Variants in NADK2 observed in about 807,000 individuals in gnomAD.
The protein encoded by NADK2 is NAD kinase 2, mitochondrial, also known as NAD kinase domain-containing protein 1, mitochondrial.
Under a neutral mutation model 62.1 loss-of-function variants are expected in NADK2, and 35 were observed. The ratio of observed to expected loss-of-function variants is 0.56; its 90% CI spans 0.43 to 0.75. The LOEUF (loss-of-function observed/expected upper bound fraction) is 0.75, where lower values mean the gene tolerates loss of function less well. Ranked by LOEUF, NADK2 falls within the 30% of genes least tolerant of loss-of-function variation. The pLI is 0.00. For missense variants in NADK2, 439 were observed against 561.3 expected, an observed-to-expected ratio of 0.78 and a Z score of 2.20; for synonymous variants, 205 against 207.9, an observed-to-expected ratio of 0.99 and a Z score of 0.12.
chr5:36,207,949 G>T (rs772250748), intron 7 of NADK2, among the ~76,000 whole-genome samples: 7 of 152,126 alleles, frequency 4.6e-5, no homozygotes, highest in Middle Eastern at 3.4e-3. Flanking sequence ...TTAACTCCAT[G>T]AACACATAAA....
intron 4 of NADK2, among the ~76,000 whole-genome samples, 181 bp downstream of exon 4, chr5:36,225,361 G>A (rs1333628612): frequency 1.3e-5 from 2 of 152,074 alleles, no homozygotes; most frequent in African/African-American, 4.8e-5. Flanking sequence ...TAAAATGTCT[G>A]TAGCAACAGA....
intron 9 of NADK2, 136 bp from the exon 10 acceptor site, chr5:36,200,416 G>T: frequency 2.6e-6 from 1 of 383,642 alleles, no homozygotes; most frequent in Non-Finnish European, 4.3e-6. Flanking sequence ...TAACATAATA[G>T]CTAATATAAA....
At chr5:36,214,002 T>C (rs1381125818) in intron 6 of NADK2, among the ~76,000 whole-genome samples, 1 of 152,174 alleles carries the variant, frequency 6.6e-6, no homozygotes, top group African/African-American at 2.4e-5. Context: ...GCTTGTTCAA[T>C]TTCAATTCAA....
intron 4 of NADK2, chr5:36,221,628 G>A (rs1054596496): frequency 1.3e-5 from 2 of 152,136 alleles, no homozygotes; most frequent in Non-Finnish European, 2.9e-5. Flanking sequence ...CTGCCTGGAG[G>A]CAAGAAGAGA....
intron 7 of NADK2, among the ~76,000 whole-genome samples, chr5:36,207,744 C>G (rs1746694455): frequency 6.6e-6 from 1 of 151,962 alleles, no homozygotes; most frequent in Non-Finnish European, 1.5e-5. Flanking sequence ...TGCTAATGTA[C>G]CTTTTGAATT....
At position 36,217,822 on chromosome 5, in the gene NADK2, A is replaced by T. The variant is rs1747105079; in HGVS notation, c.707T>A (p.Val236Glu). Residue 236 changes from valine (V) to glutamate (E), a missense_variant, in exon 6 of 12, where the codon GTG (valine) becomes GAG (glutamate). Transcript: ENST00000381937. ...GCTTAGCTGCTGCTCGTGAAGGTCCACAGGTACAGGGTTTATGCCAGTCCC... is the reference window on the plus strand; with the variant it reads ...GCTTAGCTGCTGCTCGTGAAGGTCCTCAGGTACAGGGTTTATGCCAGTCCC... ...LEGTGINPVPVDLHEQQLSLN... is the reference protein window; with the variant it reads ...LEGTGINPVPEDLHEQQLSLN... The T allele has an allele frequency of 6.2e-7, 1 of 1,614,016 alleles. No individual in the cohort carries two copies. Among genetic ancestry groups the T allele is most frequent in the Non-Finnish European group, 8.5e-7 (1 of 1,179,926 alleles).
intron 1 of NADK2, among the ~76,000 whole-genome samples, chr5:36,229,715 T>C (rs1747634354): frequency 6.6e-6 from 1 of 151,506 alleles, no homozygotes; most frequent in African/African-American, 2.4e-5. Flanking sequence ...AATACATTTA[T>C]TCAACTGCTT....
chr5:36,196,350 T>G (rs997544390), intron 11 of NADK2, among the ~76,000 whole-genome samples: 3 of 152,196 alleles, frequency 2.0e-5, no homozygotes, highest in African/African-American at 7.2e-5. Context: ...TAGCGTATTA[T>G]GTAGTTTTAA....
At position 36,241,393 on chromosome 5, in the gene NADK2, C is replaced by T. The variant is rs1187271253; in HGVS notation, c.300+106G>A. 1.1e-5 allele frequency: 15 copies of T among 1,364,902 alleles called. No homozygotes were observed. The Admixed American group carries it at 2.4e-4, about 22-fold the overall frequency. The allele number at this position is 1,364,902 out of a possible 1,614,324, so 84.5% of individuals were successfully genotyped here. The stretch of plus-strand genomic sequence containing the variant: ...GCGAGAGAGGCAGGACCGGCATCTG[C>T]GGTGCCCTGGGAAGAGTCGTCCCGA... On this transcript the variant is annotated intron_variant, in intron 1 of 11. Transcript: ENST00000381937. The surrounding 1 kb of genome is among the most constrained non-coding windows in gnomAD (Gnocchi z 4.9).
At chr5:36,235,666 G>A (rs1295986626) in intron 1 of NADK2, among the ~76,000 whole-genome samples, 6 of 151,928 alleles carry the variant, frequency 3.9e-5, no homozygotes, top group Admixed American at 3.9e-4. Flanking sequence ...TCTTACTCCT[G>A]CTTGAGAACT....
At chr5:36,197,704 G>C in intron 10 of NADK2, 40 bp from the exon 11 acceptor site, 1 of 1,493,598 alleles carries the variant, frequency 6.7e-7, no homozygotes. Context: ...ATAAAAGATG[G>C]TCACTTCTGA....
At chr5:36,228,363 T>C (rs1747563681) in intron 1 of NADK2, among the ~76,000 whole-genome samples, 1 of 152,134 alleles carries the variant, frequency 6.6e-6, no homozygotes, top group Non-Finnish European at 1.5e-5. Context: ...ATGCTAGAAT[T>C]CAAAAGTGTG....
rs539251252 is a variant in NADK2, at chr5:36,227,459, C to G, written c.389+18G>C. The G allele has an allele frequency of 5.2e-6, 7 of 1,341,886 alleles. No homozygotes were observed. The Admixed American group carries it at 8.9e-5, about 17-fold the overall frequency. The allele number at this position is 1,341,886 out of a possible 1,614,324, so 83.1% of individuals were successfully genotyped here. A position where few individuals can be genotyped will look rare whatever the true frequency, so the allele number is the denominator to read the frequency against. ...CTGAATATAAAATCCAACCCAAGAC[C>G]CAATCCCATAGACTTACCGTAAACT... On this transcript the variant is annotated intron_variant, in intron 2 of 11. Coordinates refer to ENST00000381937, the MANE Select transcript of NADK2 (RefSeq NM_001085411.3).
At chr5:36,230,706 T>C (rs963945765) in intron 1 of NADK2, among the ~76,000 whole-genome samples, 1 of 152,204 alleles carries the variant, frequency 6.6e-6, no homozygotes, top group Non-Finnish European at 1.5e-5. Flanking sequence ...AGAGTTAGAT[T>C]AGTTACTATA....
At chr5:36,216,181 A>G (rs1167701297) in intron 6 of NADK2, among the ~76,000 whole-genome samples, 7 of 152,116 alleles carry the variant, frequency 4.6e-5, no homozygotes, top group African/African-American at 7.2e-5. Context: ...CATTTCCCTG[A>G]TGATTAGTGA....
chr5:36,204,504 A>C (rs1746563437), intron 8 of NADK2, among the ~76,000 whole-genome samples: 1 of 152,144 alleles, frequency 6.6e-6, no homozygotes, highest in Non-Finnish European at 1.5e-5. Context: ...GTAGCATAGC[A>C]TGTTCAACAG....
intron 4 of NADK2, among the ~76,000 whole-genome samples, chr5:36,223,619 C>T (rs1747358013): frequency 6.6e-6 from 1 of 152,118 alleles, no homozygotes; most frequent in Non-Finnish European, 1.5e-5. Flanking sequence ...ACCAAAACTT[C>T]CCAGAAATCA....
Position 36,205,999 on chromosome 5 carries a change from T to C in NADK2, c.956+1171A>G, listed in dbSNP as rs749405781. On this transcript the variant is annotated intron_variant, in intron 8 of 11. Transcript: ENST00000381937. This position sits in a 1 kb window ranked among gnomAD's most constrained non-coding sequence, Gnocchi z 4.1. ...TGAGTTCATGTCCTTTGTAGGGATA[T>C]GGATGAAGCTGGAAACCATCATTCT... Among the ~76,000 whole-genome samples, 3 of 152,092 alleles carry C rather than the reference T, an allele frequency of 2.0e-5. No homozygotes were observed. The highest frequency in any genetic ancestry group is 4.4e-5 in the Non-Finnish European group (3 of 68,018).
At chr5:36,218,619 TG>T (rs1192876788) in intron 5 of NADK2, among the ~76,000 whole-genome samples, 1 of 152,218 alleles carries the variant, frequency 6.6e-6, no homozygotes, top group Non-Finnish European at 1.5e-5. Flanking sequence ...CAAACATCTG[TG>T]GGAAAAGCTT....
Sources: gnomAD v4.1 joint callset for allele counts (sites outside exome capture counted in the v4.1 genomes callset) on GRCh38, gnomAD v4.1.1 for gene constraint, Gnocchi (gnomAD v3.1) non-coding constraint, MANE v1.5 for transcripts, NCBI Gene and HGNC (gene_info 2026-07-23, HGNC 2026-07-21) for gene names.